MTIF2: variants seen among roughly 807,000 people sequenced by gnomAD.
The protein encoded by MTIF2 is mitochondrial translational initiation factor 2.
A neutral mutation model predicts 83.5 loss-of-function variants in MTIF2; 71 were observed. The observed-to-expected ratio is 0.85, with a 90% CI of 0.70 to 1.04. The LOEUF (loss-of-function observed/expected upper bound fraction) is 1.04, where lower values mean the gene tolerates loss of function less well. Among genes scored for constraint, MTIF2 ranks in the 50% least tolerant of loss-of-function variants. The probability of loss-of-function intolerance (pLI) is 0.00; values close to 1 mark genes in which losing one functional copy is unlikely to be tolerated. For synonymous variants in MTIF2, 319 were observed against 287.1 expected (o/e 1.11, Z -1.12); for missense variants, 957 against 846.5 (o/e 1.13, Z -1.62).
chr2:55,244,433 C>G (rs949768610), intron 10 of MTIF2, among the ~76,000 whole-genome samples, 200 bp from the exon 11 acceptor site: 1 of 152,162 alleles, frequency 6.6e-6, no homozygotes, highest in Middle Eastern at 3.2e-3. Context: ...AGCTATTCAG[C>G]AGGCTAAGGC....
intron 4 of MTIF2, among the ~76,000 whole-genome samples, chr2:55,263,141 G>C (rs548656351): frequency 6.6e-6 from 1 of 152,172 alleles, no homozygotes; most frequent in Non-Finnish European, 1.5e-5. Context: ...GATTACAGGC[G>C]TGAGCCACCA....
intron 5 of MTIF2, 54 bp from the exon 6 acceptor site, chr2:55,254,879 T>A: frequency 9.2e-7 from 1 of 1,085,272 alleles, no homozygotes; most frequent in African/African-American, 1.6e-5. Context: ...GCTCAAGAAG[T>A]AATCTCTATT....
chr2:55,243,553 T>G lies in MTIF2; in HGVS notation c.1427A>C (p.Lys476Thr). 1.9e-6 allele frequency: 3 copies of G among 1,614,134 alleles called. No individual in the cohort carries two copies. The highest frequency in any genetic ancestry group is 1.7e-5 in the Admixed American group (1 of 60,014). Residue 476 changes from lysine (K) to threonine (T), a missense_variant, in exon 12 of 16, where the codon AAA becomes ACA. Transcript: ENST00000263629. ...KRKEHKEAHQ[K>T]AREKYGHLLW... ...TAGATGGCCATACTTCTCACGGGCT[T>G]TCTGATGTGCTTCTTTGTGTTCCTT...
intron 13 of MTIF2, among the ~76,000 whole-genome samples, chr2:55,241,461 T>G (rs1290633603): frequency 6.7e-6 from 1 of 149,010 alleles, no homozygotes; most frequent in Non-Finnish European, 1.5e-5. Context: ...AGCAAAACAC[T>G]CTTGTCTTAA....
chr2:55,265,891 G>T (rs190413426), intron 3 of MTIF2, among the ~76,000 whole-genome samples: 1 of 152,138 alleles, frequency 6.6e-6, no homozygotes. Flanking sequence ...TACTGAATAT[G>T]TACACCTTTT....
chr2:55,256,531 C>A (rs1187565046), intron 5 of MTIF2, among the ~76,000 whole-genome samples: 3 of 151,746 alleles, frequency 2.0e-5, no homozygotes, highest in African/African-American at 7.3e-5. Flanking sequence ...TATGGTGAAA[C>A]CCTGTCTCTA....
intron 5 of MTIF2, among the ~76,000 whole-genome samples, chr2:55,261,941 C>CAAAAAAAAAAA (rs5831348): frequency 2.4e-4 from 21 of 86,928 alleles, no homozygotes; most frequent in East Asian, 2.9e-4. Context: ...AAAAAAAAAC[C>CAAAAAAAAAAA]AAAAAAAAAA....
At chr2:55,238,278 A>C (rs891557151) in intron 14 of MTIF2, among the ~76,000 whole-genome samples, 2 of 152,086 alleles carry the variant, frequency 1.3e-5, no homozygotes, top group African/African-American at 4.8e-5. Context: ...CAGCCTCCCA[A>C]AGTCCTCGGA....
chr2:55,249,353 C>G, intron 9 of MTIF2, 42 bp downstream of exon 9: 1 of 1,606,958 alleles, frequency 6.2e-7, no homozygotes, highest in Non-Finnish European at 8.5e-7. Flanking sequence ...TTATGTACAG[C>G]ATTCCCATCC....
At chr2:55,248,208 T>C (rs547861527) in intron 9 of MTIF2, among the ~76,000 whole-genome samples, 3 of 152,202 alleles carry the variant, frequency 2.0e-5, no homozygotes, top group Non-Finnish European at 4.4e-5. Flanking sequence ...AATCTTATTT[T>C]AGTAAGCCTA....
In MTIF2 at chr2:55,240,179, G is replaced by A; in HGVS notation, c.1706-4C>T. The A allele has an allele frequency of 6.2e-7, 1 of 1,601,554 alleles. No homozygotes were observed. Among genetic ancestry groups the A allele is most frequent in the Non-Finnish European group, 8.5e-7 (1 of 1,170,524 alleles). On this transcript the variant is annotated splice_region_variant and splice_polypyrimidine_tract_variant and intron_variant, in intron 13 of 15. Coordinates refer to ENST00000263629, the MANE Select transcript of MTIF2 (RefSeq NM_002453.3). ...ACATTAAAGCCATATATAACACCTA[G>A]CAAACAGAAATATGATCAATGAAGT...
intron 5 of MTIF2, among the ~76,000 whole-genome samples, chr2:55,256,762 T>C (rs902823689): frequency 1.3e-5 from 2 of 151,810 alleles, no homozygotes; most frequent in African/African-American, 4.8e-5. Context: ...TAGAGTGCAG[T>C]GGCACAATCC....
At chr2:55,246,008 T>A (rs974618097) in intron 10 of MTIF2, among the ~76,000 whole-genome samples, 8 of 152,160 alleles carry the variant, frequency 5.3e-5, no homozygotes, top group African/African-American at 1.9e-4. Flanking sequence ...AATGCAACCA[T>A]TGGTATTTCA....
At chr2:55,266,864 T>C (rs916276658) in intron 3 of MTIF2, among the ~76,000 whole-genome samples, 1 of 148,504 alleles carries the variant, frequency 6.7e-6, no homozygotes, top group Non-Finnish European at 1.5e-5. Context: ...GCCTCCTGGG[T>C]TCAAGCAATT....
chr2:55,263,352 G>C (rs1201450699), intron 4 of MTIF2, among the ~76,000 whole-genome samples: 1 of 152,144 alleles, frequency 6.6e-6, no homozygotes, highest in African/African-American at 2.4e-5. Flanking sequence ...ATTGCATTAA[G>C]TAATAAATAT....
chr2:55,260,138 G>A (rs576184784), intron 5 of MTIF2, among the ~76,000 whole-genome samples: 1 of 152,150 alleles, frequency 6.6e-6, no homozygotes, highest in South Asian at 2.1e-4. Context: ...GGTGGCTCAC[G>A]CCTGTAATCT....
rs932961130 is a variant in MTIF2, at chr2:55,252,039, G to C, written c.841+438C>G. ...AGTCTGAATTTTATACATTTGATCA[G>C]ATAAGAACTTATTTAAAGCAGAAGG... On this transcript the variant is annotated intron_variant, in intron 8 of 15. Coordinates refer to ENST00000263629, the MANE Select transcript of MTIF2 (RefSeq NM_002453.3). Among the ~76,000 whole-genome samples, 27 of 152,292 alleles carry C rather than the reference G, an allele frequency of 1.8e-4. 4 individuals carry two copies. The highest frequency in any genetic ancestry group is 1.4e-3 in the Admixed American group (21 of 15,292).
intron 14 of MTIF2, among the ~76,000 whole-genome samples, chr2:55,238,532 C>T (rs979803510): frequency 2.6e-5 from 4 of 151,890 alleles, no homozygotes; most frequent in African/African-American, 9.7e-5. Context: ...GCTGGGATTA[C>T]AGGAATGCGC....
At chr2:55,257,507 C>A (rs1021258391) in intron 5 of MTIF2, among the ~76,000 whole-genome samples, 1 of 152,056 alleles carries the variant, frequency 6.6e-6, no homozygotes, top group African/African-American at 2.4e-5. Flanking sequence ...AGAAAGCCAT[C>A]CTCAGATAAG....
Sources: gnomAD v4.1 joint callset for allele counts (sites outside exome capture counted in the v4.1 genomes callset) on GRCh38, gnomAD v4.1.1 for gene constraint, MANE v1.5 for transcripts, NCBI Gene and HGNC (gene_info 2026-07-23, HGNC 2026-07-21) for gene names.